HMCN2: variants seen among roughly 807,000 people sequenced by gnomAD.
HMCN2 encodes hemicentin-2.
In HMCN2, 325 loss-of-function variants were observed where a neutral mutation model predicts 377.5. The observed-to-expected ratio is 0.86, with a 90% CI of 0.79 to 0.94. HMCN2 has a LOEUF of 0.94. HMCN2 is among the 40% of genes least tolerant of loss of function. The pLI is 0.00. For missense variants in HMCN2, 4,543 were observed against 4,725.3 expected, an observed-to-expected ratio of 0.96 and a Z score of 1.13; for synonymous variants, 2,007 against 2,046.8, an observed-to-expected ratio of 0.98 and a Z score of 0.53.
At chr9:130,349,211 G>C in intron 28 of HMCN2, 80 bp downstream of exon 28, 1 of 1,244,088 alleles carries the variant, frequency 8.0e-7, no homozygotes, top group Middle Eastern at 2.3e-4. Flanking sequence ...CCGGGGGAGA[G>C]GGTAGACTTT....
chr9:130,388,075 C>T (rs183653971), intron 61 of HMCN2, among the ~76,000 whole-genome samples: 33 of 152,220 alleles, frequency 2.2e-4, no homozygotes, highest in African/African-American at 5.3e-4. Flanking sequence ...GACTCTGTTC[C>T]GCTGGTGGTG....
intron 76 of HMCN2, 39 bp from the exon 77 acceptor site, chr9:130,400,744 G>A (rs1318708008): frequency 8.0e-7 from 1 of 1,256,956 alleles, no homozygotes; most frequent in Admixed American, 2.4e-5. Flanking sequence ...AGTGCCCTGT[G>A]CCCGCCGGCA....
rs1842538932 is a variant in HMCN2, at chr9:130,395,091, TC to T, written c.10759del (p.Arg3587GlyfsTer70). ...CCTGCAGGTGCAATTGAGAAGAGCT[TC>T]CGGGTCAGGGTTCAAGGTAGGTGGT... The part of the protein sequence containing the change: ...ESPAGAIEKS[F>X]RVRVQAPPNI... On this transcript the variant is annotated frameshift_variant, in exon 70 of 98. Coordinates refer to ENST00000683500, the MANE Select transcript of HMCN2 (RefSeq NM_001291815.2). LOFTEE classifies it high-confidence loss of function. 8.2e-7 allele frequency: 1 copy of T among 1,214,490 alleles called. No homozygotes were observed. Among genetic ancestry groups the T allele is most frequent in the Non-Finnish European group, 1.1e-6 (1 of 939,250 alleles). The allele number at this position is 1,214,490 out of a possible 1,614,324, so 75.2% of individuals were successfully genotyped here.
intron 44 of HMCN2, among the ~76,000 whole-genome samples, chr9:130,368,818 A>G (rs1467263611): frequency 2.6e-5 from 4 of 152,078 alleles, no homozygotes; most frequent in Admixed American, 6.5e-5. Flanking sequence ...CTCACTCGCT[A>G]TCAATCACAA....
intron 19 of HMCN2, among the ~76,000 whole-genome samples, chr9:130,323,935 C>A (rs1163314548): frequency 1.3e-5 from 2 of 152,186 alleles, no homozygotes; most frequent in African/African-American, 4.8e-5. Context: ...CTCCTGACCT[C>A]AGGTGATCCA....
At chr9:130,356,287 T>C in intron 34 of HMCN2, 30 bp downstream of exon 34, 1 of 1,272,714 alleles carries the variant, frequency 7.9e-7, no homozygotes, top group Non-Finnish European at 1.0e-6. Flanking sequence ...TCTGGAGCTG[T>C]GGGCAGCCTG....
At chr9:130,411,953 A>ATT (rs530675758) in intron 85 of HMCN2, among the ~76,000 whole-genome samples, 2 of 30,322 alleles carry the variant, frequency 6.6e-5, no homozygotes, top group Non-Finnish European at 2.1e-4. Flanking sequence ...TATGTAATGT[A>ATT]TTTTTTTTAC....
chr9:130,376,579 A>T lies in HMCN2; in HGVS notation c.7982A>T (p.Lys2661Met). Reference sequence around the variant, plus strand: ...GTCGGCGTGAAGGAGGTGAAGACCAAGGTCAACAGCACCTTGACCTTGGAG... The same window carrying T: ...GTCGGCGTGAAGGAGGTGAAGACCATGGTCAACAGCACCTTGACCTTGGAG... ...AEVGVKEVKT[K>M]VNSTLTLECE... Residue 2661 changes from lysine to methionine, a missense_variant, in exon 52 of 98, where the codon AAG becomes ATG. Transcript: ENST00000683500. 1 of 985,702 alleles carries T rather than the reference A, an allele frequency of 1.0e-6. No homozygotes were observed. The highest frequency in any genetic ancestry group is 1.2e-6 in the Non-Finnish European group (1 of 829,834). 61.1% of individuals were successfully genotyped at this position (985,702 alleles called of 1,614,324 possible).
At position 130,356,071 on chromosome 9, in the gene HMCN2, CT is replaced by C; in HGVS notation, c.5256-16del. Reference sequence around the variant, plus strand: ...CCTGGTCTCAGGTTGACACGCCCCCCTCCCTACTCACCTTAGGTGGCTGCAG... The same window carrying C: ...CCTGGTCTCAGGTTGACACGCCCCCCCCCTACTCACCTTAGGTGGCTGCAG... On this transcript the variant is annotated splice_polypyrimidine_tract_variant and intron_variant, in intron 33 of 97. Coordinates refer to ENST00000683500, the MANE Select transcript of HMCN2 (RefSeq NM_001291815.2). The C allele has an allele frequency of 8.0e-7, 1 of 1,255,264 alleles. No individual in the cohort carries two copies. Among genetic ancestry groups the C allele is most frequent in the Non-Finnish European group, 1.0e-6 (1 of 967,598 alleles). The allele number at this position is 1,255,264 out of a possible 1,614,324, so 77.8% of individuals were successfully genotyped here. A position where few individuals can be genotyped will look rare whatever the true frequency, so the allele number is the denominator to read the frequency against.
chr9:130,326,335 G>A lies in HMCN2; in HGVS notation c.3193+365G>A, dbSNP rs1838132349. On this transcript the variant is annotated intron_variant, in intron 21 of 97. Transcript: ENST00000683500. ...GTCAAGTCACCTTGCTGTAAACTGT[G>A]GAATATCCCCTTCCTGGCACCCGTC... Among the ~76,000 whole-genome samples the A allele has an allele frequency of 2.0e-5, 3 of 152,122 alleles. 1 individual carries two copies. Among genetic ancestry groups the A allele is most frequent in the South Asian group, 2.1e-4 (1 of 4,812 alleles).
intron 15 of HMCN2, among the ~76,000 whole-genome samples, chr9:130,316,657 G>A (rs1050351894): frequency 6.6e-6 from 1 of 152,188 alleles, no homozygotes; most frequent in Non-Finnish European, 1.5e-5. Context: ...CTGGATGCTT[G>A]TAGCTCCCGC....
chr9:130,313,370 C>T (rs1387939356), intron 15 of HMCN2, among the ~76,000 whole-genome samples: 1 of 150,422 alleles, frequency 6.6e-6, no homozygotes, highest in Non-Finnish European at 1.5e-5. Flanking sequence ...GACCAGCCTG[C>T]GAGGCACTGG....
In HMCN2 at chr9:130,351,248, C is replaced by T. The variant is rs1257559445; in HGVS notation, c.4431-175C>T. ...GCTGAATAATGTTCCGTGGCATGGA[C>T]GGACCACACGTTGTTGATCCATTCC... On this transcript the variant is annotated intron_variant, in intron 29 of 97. Coordinates refer to ENST00000683500, the MANE Select transcript of HMCN2 (RefSeq NM_001291815.2). This position sits in a 1 kb window ranked among gnomAD's most constrained non-coding sequence, Gnocchi z 5.4. Among the ~76,000 whole-genome samples the T allele has an allele frequency of 6.6e-6, 1 of 152,210 alleles. No individual in the cohort carries two copies. The highest frequency in any genetic ancestry group is 2.4e-5 in the African/African-American group (1 of 41,454).
At position 130,355,147 on chromosome 9, in the gene HMCN2, G is replaced by A. The variant is rs1839958551; in HGVS notation, c.5146+103G>A. On this transcript the variant is annotated intron_variant, in intron 32 of 97. Coordinates refer to ENST00000683500, the MANE Select transcript of HMCN2 (RefSeq NM_001291815.2). Reference sequence around the variant, plus strand: ...GAGCTCCTGGAGTGGAGGGAGGGTGGGGAGAAGTAACCAGTGTCCCCACAT... The same window carrying A: ...GAGCTCCTGGAGTGGAGGGAGGGTGAGGAGAAGTAACCAGTGTCCCCACAT... The A allele has an allele frequency of 1.3e-5, 13 of 980,172 alleles. 1 individual carries two copies. In the South Asian group the frequency reaches 1.8e-4, roughly 14 times the overall value. 60.7% of individuals were successfully genotyped at this position (980,172 alleles called of 1,614,324 possible). A position where few individuals can be genotyped will look rare whatever the true frequency, so the allele number is the denominator to read the frequency against.
intron 5 of HMCN2, 34 bp from the exon 6 acceptor site, chr9:130,295,632 G>A (rs1293164117): frequency 8.6e-6 from 4 of 467,524 alleles, no homozygotes; most frequent in Non-Finnish European, 1.8e-5. Context: ...CCAGCAAAGG[G>A]TTAGGGACTG....
chr9:130,288,826 G>A (rs1003284626), intron 4 of HMCN2, among the ~76,000 whole-genome samples: 7 of 152,170 alleles, frequency 4.6e-5, no homozygotes, highest in Admixed American at 2.0e-4. Context: ...GGGGTTGCAG[G>A]GTAATTAAAG....
At chr9:130,313,603 C>CA (rs1332528096) in intron 15 of HMCN2, among the ~76,000 whole-genome samples, 1 of 151,538 alleles carries the variant, frequency 6.6e-6, no homozygotes, top group Non-Finnish European at 1.5e-5. Flanking sequence ...TGTGGGCACC[C>CA]CCCCCCATAA....
At chr9:130,279,094 C>T (rs1478866094) in intron 1 of HMCN2, among the ~76,000 whole-genome samples, 4 of 151,256 alleles carry the variant, frequency 2.6e-5, no homozygotes, top group Non-Finnish European at 4.4e-5. Flanking sequence ...GACAGGGTTT[C>T]ACCATGTTGG....
intron 22 of HMCN2, among the ~76,000 whole-genome samples, chr9:130,337,118 C>T (rs1165942123): frequency 1.3e-5 from 2 of 152,150 alleles, no homozygotes; most frequent in Non-Finnish European, 2.9e-5. Flanking sequence ...AGGAGCTGTG[C>T]GGAGCCAGCA....
Sources: gnomAD v4.1 joint callset for allele counts (sites outside exome capture counted in the v4.1 genomes callset) on GRCh38, gnomAD v4.1.1 for gene constraint, Gnocchi (gnomAD v3.1) non-coding constraint, MANE v1.5 for transcripts, NCBI Gene and HGNC (gene_info 2026-07-23, HGNC 2026-07-21) for gene names.